Variants in SCP2 observed in about 807,000 individuals in gnomAD.
The protein encoded by SCP2 is sterol carrier protein 2, also known as SCP-2/3-oxoacyl-CoA thiolase.
SCP2 carries 48 observed loss-of-function variants against 71.4 expected under a neutral mutation model. That is an observed-to-expected ratio of 0.67 (90% CI 0.53 to 0.86). The LOEUF is 0.86. Among genes scored for constraint, SCP2 ranks in the 40% least tolerant of loss-of-function variants. The probability of loss-of-function intolerance (pLI) is 0.00; values close to 1 mark genes in which losing one functional copy is unlikely to be tolerated. For synonymous variants in SCP2, 220 were observed against 218.1 expected, an observed-to-expected ratio of 1.01 and a Z score of -0.08; for missense variants, 560 against 655.6, an observed-to-expected ratio of 0.85 and a Z score of 1.59.
At chr1:53,021,077 G>T (rs934409834) in intron 12 of SCP2, among the ~76,000 whole-genome samples, 1 of 151,778 alleles carries the variant, frequency 6.6e-6, no homozygotes, top group Non-Finnish European at 1.5e-5. Context: ...GTTATCTTGG[G>T]TTACTGCAGC....
intron 6 of SCP2, among the ~76,000 whole-genome samples, chr1:52,970,085 T>C (rs897129992): frequency 6.6e-6 from 1 of 152,232 alleles, no homozygotes; most frequent in Non-Finnish European, 1.5e-5. Flanking sequence ...ACAAGTTCTA[T>C]AATTTCCATT....
chr1:53,038,185 A>C (rs1254913273), intron 13 of SCP2, among the ~76,000 whole-genome samples: 1 of 150,944 alleles, frequency 6.6e-6, no homozygotes, highest in Admixed American at 6.6e-5. Context: ...ATATATATAT[A>C]ATTTATATGT....
At chr1:52,929,123 A>G (rs1029018152) in intron 1 of SCP2, among the ~76,000 whole-genome samples, 3 of 151,600 alleles carry the variant, frequency 2.0e-5, no homozygotes, top group Non-Finnish European at 2.9e-5. Flanking sequence ...ACTTTGCTAT[A>G]GGTCTGGTCT....
rs1299930333 is a variant in SCP2 at position 52,954,816 on chromosome 1, T to A, written c.396+12T>A. ...GCCTTGGAATAAAAGTGAGTGTTAT[T>A]TTGGCATAGTTACTAAATGAGCTAA... On this transcript the variant is annotated intron_variant, in intron 5 of 15. Coordinates refer to ENST00000371514, the MANE Select transcript of SCP2 (RefSeq NM_002979.5). 6.2e-7 allele frequency: 1 copy of A among 1,606,210 alleles called. No homozygotes were observed. The highest frequency in any genetic ancestry group is 8.5e-7 in the Non-Finnish European group (1 of 1,172,882).
chr1:53,046,165 G>A (rs1663799306), intron 14 of SCP2, among the ~76,000 whole-genome samples: 1 of 152,036 alleles, frequency 6.6e-6, no homozygotes, highest in Non-Finnish European at 1.5e-5. Flanking sequence ...TTTTTCTTCG[G>A]TAAATACCTA....
Position 52,966,450 on chromosome 1 carries a change from G to A in SCP2, c.523+4821G>A, listed in dbSNP as rs137980626. On this transcript the variant is annotated intron_variant, in intron 6 of 15. Transcript: ENST00000371514. ...AGTTTGCATATCTGGAATAAATGCC[G>A]GTTGATCATGGTGTATTGCTGTTTT... 9.6e-4 allele frequency among the ~76,000 whole-genome samples: 146 copies of A among 151,988 alleles called. 1 individual carries two copies. The highest frequency in any genetic ancestry group is 4.8e-3 in the South Asian group (23 of 4,812).
intron 11 of SCP2, chr1:52,995,399 T>C (rs921662108): frequency 2.2e-6 from 1 of 459,636 alleles, no homozygotes; most frequent in Non-Finnish European, 4.4e-6. Flanking sequence ...AACCACCTTG[T>C]CTCAGCCACC....
intron 13 of SCP2, among the ~76,000 whole-genome samples, chr1:53,037,003 T>C (rs1271166623): frequency 2.0e-5 from 3 of 151,880 alleles, no homozygotes; most frequent in African/African-American, 7.3e-5. Flanking sequence ...ATTAGCATGG[T>C]GGCGTGTGCT....
chr1:53,045,026 G>A (rs1372547057), intron 14 of SCP2, among the ~76,000 whole-genome samples: 2 of 152,198 alleles, frequency 1.3e-5, no homozygotes, highest in Non-Finnish European at 2.9e-5. Flanking sequence ...ATTATGGCCT[G>A]CAGACCAAAT....
chr1:52,984,083 G>A (rs1332635216), intron 10 of SCP2, among the ~76,000 whole-genome samples: 2 of 152,088 alleles, frequency 1.3e-5, no homozygotes, highest in African/African-American at 2.4e-5. Flanking sequence ...ACAGAATTAG[G>A]GGATCCTCTT....
intron 6 of SCP2, among the ~76,000 whole-genome samples, chr1:52,973,027 T>G (rs1014521869): frequency 6.6e-6 from 1 of 152,246 alleles, no homozygotes; most frequent in Non-Finnish European, 1.5e-5. Flanking sequence ...TTGTTGAAAT[T>G]CAACATTATA....
intron 11 of SCP2, among the ~76,000 whole-genome samples, chr1:52,988,715 T>C (rs1659211564): frequency 6.7e-6 from 1 of 149,720 alleles, no homozygotes; most frequent in African/African-American, 2.5e-5. Flanking sequence ...AGATGGAGTC[T>C]CGCTCTGTTG....
chr1:53,001,921 A>G (rs1464061524), intron 11 of SCP2, among the ~76,000 whole-genome samples: 1 of 152,232 alleles, frequency 6.6e-6, no homozygotes, highest in Non-Finnish European at 1.5e-5. Flanking sequence ...GCGGTGGCTC[A>G]TGCCTGTAAT....
Position 52,961,563 on chromosome 1 carries a change from T to TTG in SCP2, c.459_460dup (p.Ser154CysfsTer54). On this transcript the variant is annotated frameshift_variant, in exon 6 of 16. Coordinates refer to ENST00000371514, the MANE Select transcript of SCP2 (RefSeq NM_002979.5). LOFTEE classifies it high-confidence loss of function. ...TGACCTCCTGATCAATAAGTATGGA[T>TTG]TGTCTGCTCACCCAGTTGCTCCTCA... 6.2e-7 allele frequency: 1 copy of TTG among 1,613,802 alleles called. No individual in the cohort carries two copies. Among genetic ancestry groups the TTG allele is most frequent in the South Asian group, 1.1e-5 (1 of 91,068 alleles).
chr1:52,993,240 G>T, intron 11 of SCP2: 2 of 1,614,034 alleles, frequency 1.2e-6, no homozygotes, highest in Non-Finnish European at 1.7e-6. Flanking sequence ...TTTTCTTTCC[G>T]TGTTGGTTCT....
chr1:52,934,711 C>T (rs1653528896), intron 1 of SCP2, among the ~76,000 whole-genome samples: 1 of 140,618 alleles, frequency 7.1e-6, no homozygotes, highest in Admixed American at 7.5e-5. Context: ...CTCCTGGGTT[C>T]ACGCCATTCT....
At chr1:53,047,512 T>C (rs1188620788) in intron 14 of SCP2, among the ~76,000 whole-genome samples, 1 of 152,242 alleles carries the variant, frequency 6.6e-6, no homozygotes, top group Non-Finnish European at 1.5e-5. Context: ...ATACAGTTTC[T>C]TTTGTAACTG....
At chr1:52,973,006 A>G (rs1657629926) in intron 6 of SCP2, among the ~76,000 whole-genome samples, 1 of 152,172 alleles carries the variant, frequency 6.6e-6, no homozygotes, top group Non-Finnish European at 1.5e-5. Context: ...GATCCATCCT[A>G]TTGATAGACC....
chr1:53,012,236 G>T (rs982425625), intron 11 of SCP2, among the ~76,000 whole-genome samples: 3 of 152,250 alleles, frequency 2.0e-5, no homozygotes, highest in African/African-American at 7.2e-5. Context: ...TGCGTGCTCA[G>T]AGAGGCCAAG....
Sources: gnomAD v4.1 joint callset for allele counts (sites outside exome capture counted in the v4.1 genomes callset) on GRCh38, gnomAD v4.1.1 for gene constraint, MANE v1.5 for transcripts, NCBI Gene and HGNC (gene_info 2026-07-23, HGNC 2026-07-21) for gene names.